ASXL3: variants seen among roughly 807,000 people sequenced by gnomAD.
The protein encoded by ASXL3 is putative Polycomb group protein ASXL3.
In ASXL3, 34 loss-of-function variants were observed where a neutral mutation model predicts 170.6. The ratio of observed to expected loss-of-function variants is 0.20; its 90% CI spans 0.15 to 0.27. The LOEUF (loss-of-function observed/expected upper bound fraction) is 0.27. Ranked by LOEUF, ASXL3 falls within the 10% of genes least tolerant of loss-of-function variation. The pLI is 1.00. For synonymous variants in ASXL3, 1,002 were observed against 989.1 expected (o/e 1.01, Z -0.24); for missense variants, 2,592 against 2,695.3 (o/e 0.96, Z 0.85).
chr18:33,585,618 C>A (rs1254869714), intron 1 of ASXL3, among the ~76,000 whole-genome samples: 1 of 152,156 alleles, frequency 6.6e-6, no homozygotes, highest in Non-Finnish European at 1.5e-5. Flanking sequence ...CACATTCTTA[C>A]GTAGTTTTAA....
intron 2 of ASXL3, among the ~76,000 whole-genome samples, chr18:33,631,369 C>T (rs1370077020): frequency 3.9e-5 from 6 of 151,948 alleles, no homozygotes; most frequent in Non-Finnish European, 8.8e-5. Flanking sequence ...TTTTAGTTCA[C>T]CTAATAAATT....
chr18:33,727,179 C>T (rs1046852805), intron 8 of ASXL3, among the ~76,000 whole-genome samples: 3 of 151,998 alleles, frequency 2.0e-5, no homozygotes, highest in Admixed American at 6.6e-5. Context: ...TAGTATTTCT[C>T]GGTGCACCGT....
In ASXL3 at chr18:33,746,181, G is replaced by A. The variant is rs1346452483; in HGVS notation, c.6333G>A (p.Gln2111=). The A allele has an allele frequency of 2.5e-6, 4 of 1,613,868 alleles. No individual in the cohort carries two copies. In the Admixed American group the frequency reaches 5.0e-5, roughly 20 times the overall value. The change falls in exon 12 of 12, where the codon CAG becomes CAA. Residue 2111 remains glutamine (Q), a synonymous_variant. Transcript: ENST00000269197. ...VSYDQNEMKE[Q]LKAFALKSAD... ...ATGACCAGAATGAAATGAAAGAACA[G>A]TTAAAAGCATTCGCGCTAAAAAGTG...
chr18:33,655,359 T>C (rs2066066699), intron 4 of ASXL3, among the ~76,000 whole-genome samples: 1 of 152,040 alleles, frequency 6.6e-6, no homozygotes, highest in African/African-American at 2.4e-5. Flanking sequence ...TTATAGAAGA[T>C]ATTGTTCTAA....
chr18:33,702,526 A>C (rs2066890127), intron 8 of ASXL3, among the ~76,000 whole-genome samples: 1 of 152,180 alleles, frequency 6.6e-6, no homozygotes, highest in Non-Finnish European at 1.5e-5. Flanking sequence ...TCCCTCTGTT[A>C]AACTATTATG....
At chr18:33,642,817 C>T (rs1332951371) in intron 2 of ASXL3, among the ~76,000 whole-genome samples, 1 of 151,822 alleles carries the variant, frequency 6.6e-6, no homozygotes, top group Non-Finnish European at 1.5e-5. Context: ...TTATCTTTAG[C>T]TTGCTATACC....
chr18:33,732,157 G>C, intron 9 of ASXL3, 93 bp downstream of exon 9: 2 of 899,078 alleles, frequency 2.2e-6, no homozygotes, highest in East Asian at 5.3e-5. Context: ...TCTTTTCCCC[G>C]ACACAGTACA....
chr18:33,595,526 T>A (rs1043025620), intron 1 of ASXL3, among the ~76,000 whole-genome samples: 9 of 152,216 alleles, frequency 5.9e-5, no homozygotes, highest in African/African-American at 2.2e-4. Flanking sequence ...CTAACCAATT[T>A]AATGAAAAGG....
intron 10 of ASXL3, among the ~76,000 whole-genome samples, chr18:33,738,009 T>A (rs540006821): frequency 1.0e-3 from 156 of 152,242 alleles, no homozygotes; most frequent in African/African-American, 3.5e-3. Flanking sequence ...TGTAATTTTC[T>A]TATTCCTTTA....
intron 2 of ASXL3, among the ~76,000 whole-genome samples, chr18:33,642,603 T>C (rs1458703044): frequency 6.6e-6 from 1 of 151,916 alleles, no homozygotes; most frequent in Non-Finnish European, 1.5e-5. Context: ...ATTGAGACTT[T>C]GGAGATGTTG....
chr18:33,676,080 T>C (rs1205418530), intron 7 of ASXL3, among the ~76,000 whole-genome samples: 3 of 151,118 alleles, frequency 2.0e-5, no homozygotes, highest in South Asian at 2.1e-4. Flanking sequence ...AAAAATTAGC[T>C]GGGTATGGTG....
intron 11 of ASXL3, among the ~76,000 whole-genome samples, chr18:33,742,671 G>A (rs2067684644): frequency 6.6e-6 from 1 of 152,128 alleles, no homozygotes; most frequent in African/African-American, 2.4e-5. Flanking sequence ...GGATGTTTTT[G>A]TAGATTAAAA....
At chr18:33,650,887 A>G (rs2065987477) in intron 4 of ASXL3, among the ~76,000 whole-genome samples, 1 of 152,110 alleles carries the variant, frequency 6.6e-6, no homozygotes, top group Admixed American at 6.6e-5. Flanking sequence ...CTGTGCTTCT[A>G]TGTATAGCTT....
At chr18:33,701,364 T>C (rs2066871151) in intron 8 of ASXL3, among the ~76,000 whole-genome samples, 1 of 152,236 alleles carries the variant, frequency 6.6e-6, no homozygotes, top group Admixed American at 6.5e-5. Context: ...GCTTTGAATC[T>C]ATAAATCATT....
chr18:33,672,012 A>T (rs2066351447), intron 7 of ASXL3, 146 bp downstream of exon 7: 2 of 866,786 alleles, frequency 2.3e-6, no homozygotes, highest in East Asian at 2.8e-5. Flanking sequence ...AAAGAATGCT[A>T]AATAAGGAAA....
chr18:33,716,243 A>T (rs938754535), intron 8 of ASXL3, among the ~76,000 whole-genome samples: 5 of 152,218 alleles, frequency 3.3e-5, no homozygotes, highest in African/African-American at 1.2e-4. Flanking sequence ...CACAATCTGT[A>T]GAAAAGCAGA....
chr18:33,611,915 ACG>A (rs2065341344), intron 2 of ASXL3, among the ~76,000 whole-genome samples: 1 of 151,924 alleles, frequency 6.6e-6, no homozygotes, highest in Non-Finnish European at 1.5e-5. Context: ...GCCATGTCTT[ACG>A]TAATTTTTAA....
intron 5 of ASXL3, among the ~76,000 whole-genome samples, chr18:33,665,413 C>T (rs1440051541): frequency 6.6e-6 from 1 of 152,196 alleles, no homozygotes; most frequent in Non-Finnish European, 1.5e-5. Context: ...TGGGCATTGA[C>T]ATTTATCACA....
At chr18:33,594,611 A>G (rs752616562) in intron 1 of ASXL3, among the ~76,000 whole-genome samples, 63 of 152,228 alleles carry the variant, frequency 4.1e-4, no homozygotes, top group Non-Finnish European at 7.8e-4. Flanking sequence ...CCTCTAGCAC[A>G]TAGTTTAAGA....
Sources: allele counts gnomAD v4.1 joint callset (sites outside exome capture counted in the v4.1 genomes callset), GRCh38; gene constraint gnomAD v4.1.1; transcripts MANE v1.5; gene names NCBI Gene and HGNC (gene_info 2026-07-23, HGNC 2026-07-21).